The following GCC2 variants were observed in gnomAD, a reference collection of about 807,000 sequenced individuals.
The protein encoded by GCC2 is GRIP and coiled-coil domain-containing protein 2.
GCC2 carries 120 observed loss-of-function variants against 210.6 expected under a neutral mutation model. That is an observed-to-expected ratio of 0.57 (90% confidence interval 0.49 to 0.66). The LOEUF is 0.66. Ranked by LOEUF, GCC2 falls within the 30% of genes least tolerant of loss-of-function variation. The pLI is 0.00. For synonymous variants in GCC2, 703 were observed against 652.7 expected, an observed-to-expected ratio of 1.08 and a Z score of -1.17; for missense variants, 1,868 against 1,871.9, an observed-to-expected ratio of 1.00 and a Z score of 0.04.
At chr2:108,475,943 C>A in intron 9 of GCC2, 93 bp downstream of exon 9, 1 of 619,770 alleles carries the variant, frequency 1.6e-6, no homozygotes, top group Non-Finnish European at 2.8e-6. Context: ...CTATTGTCAA[C>A]AAAACAATCA....
Position 108,486,503 on chromosome 2 carries a change from A to G in GCC2, c.3793-8A>G. The G allele has an allele frequency of 3.7e-6, 6 of 1,613,780 alleles. No individual in the cohort carries two copies. The highest frequency in any genetic ancestry group is 5.1e-6 in the Non-Finnish European group (6 of 1,179,812). ...TTGCTAAAGCTAAATTTAAAGATTTACCCCCAGATACAGCTGGCTGAAATA... is the reference window on the plus strand; with the variant it reads ...TTGCTAAAGCTAAATTTAAAGATTTGCCCCCAGATACAGCTGGCTGAAATA... On this transcript the variant is annotated splice_polypyrimidine_tract_variant and splice_region_variant and intron_variant, in intron 15 of 22. Transcript: ENST00000309863.
intron 5 of GCC2, 124 bp downstream of exon 5, chr2:108,469,208 G>T: frequency 2.1e-6 from 1 of 477,824 alleles, no homozygotes; most frequent in South Asian, 4.9e-5. Context: ...CAAAGAAACC[G>T]AGATTGAGAT....
chr2:108,498,823 C>T (rs553998605), intron 21 of GCC2, among the ~76,000 whole-genome samples: 178 of 151,736 alleles, frequency 1.2e-3, no homozygotes, highest in African/African-American at 4.2e-3. Context: ...CCTGGGACTT[C>T]AGGAACAGGG....
rs1681906376 is a variant in GCC2 at position 108,482,391 on chromosome 2, C to T, written c.3285C>T (p.Ala1095=). 6.3e-7 allele frequency: 1 copy of T among 1,585,360 alleles called. No homozygotes were observed. The highest frequency in any genetic ancestry group is 1.1e-5 in the South Asian group (1 of 90,162). ...LEVQILEVQR[A]KAMVDKELEA... is the part of the protein sequence containing the mutation. ...TACAGATTTTAGAAGTCCAGAGAGCCAAAGCAATGGTAGACAAAGAATTAG... is the reference window on the plus strand; with the variant it reads ...TACAGATTTTAGAAGTCCAGAGAGCTAAAGCAATGGTAGACAAAGAATTAG... The change falls in exon 11 of 23, where the codon GCC becomes GCT. Residue 1095 remains alanine, a synonymous_variant. Coordinates refer to ENST00000309863, the MANE Select transcript of GCC2 (RefSeq NM_181453.4).
chr2:108,492,882 T>A, intron 19 of GCC2, 92 bp downstream of exon 19: 1 of 926,966 alleles, frequency 1.1e-6, no homozygotes, highest in Non-Finnish European at 1.7e-6. Flanking sequence ...GAAAGAAAAT[T>A]TACTAGGTGT....
At chr2:108,489,525 A>G (rs1013215930) in intron 17 of GCC2, among the ~76,000 whole-genome samples, 1 of 152,098 alleles carries the variant, frequency 6.6e-6, no homozygotes, top group Non-Finnish European at 1.5e-5. Flanking sequence ...AAAAAAAAAA[A>G]AATAGTGTGA....
rs1321520535 is a variant in GCC2, at chr2:108,471,711, T to A, written c.2382T>A (p.Asn794Lys). The A allele has an allele frequency of 6.2e-7, 1 of 1,613,240 alleles. No homozygotes were observed. Among genetic ancestry groups the A allele is most frequent in the East Asian group, 2.2e-5 (1 of 44,842 alleles). ...QAVGESLAKI[N>K]EEKCNLAFQR... is the part of the protein sequence containing the mutation. The stretch of plus-strand genomic sequence containing the variant: ...TCGGTGAATCCTTGGCAAAAATAAA[T>A]GAGGAAAAATGCAACCTGGCTTTTC... The change falls in exon 6 of 23, where the codon AAT becomes AAA. Residue 794 changes from asparagine to lysine, a missense_variant. This residue lies in a region of GCC2 where 1,847 missense variants were observed against 1,765.2 expected (regional missense o/e 1.05). Transcript: ENST00000309863.
At chr2:108,463,219 G>T (rs1421749305) in intron 4 of GCC2, among the ~76,000 whole-genome samples, 1 of 152,048 alleles carries the variant, frequency 6.6e-6, no homozygotes, top group Non-Finnish European at 1.5e-5. Flanking sequence ...ATTGAGATCT[G>T]TTGCTAGAGA....
rs1394396750 is a variant in GCC2 at position 108,471,354 on chromosome 2, T to C, written c.2025T>C (p.Val675=). The C allele has an allele frequency of 1.2e-6, 2 of 1,610,818 alleles. No homozygotes were observed. Among genetic ancestry groups the C allele is most frequent in the African/African-American group, 2.7e-5 (2 of 74,664 alleles). ...KLEKLMVQMK[V]LSEDKEVLSA... ...AAAAACTTATGGTTCAAATGAAAGTTCTCTCTGAAGACAAAGAAGTATTGT... is the reference window on the plus strand; with the variant it reads ...AAAAACTTATGGTTCAAATGAAAGTCCTCTCTGAAGACAAAGAAGTATTGT... Residue 675 remains valine (V), a synonymous_variant, in exon 6 of 23, where the codon GTT becomes GTC. Transcript: ENST00000309863.
chr2:108,467,875 C>T (rs1680986295), intron 4 of GCC2, among the ~76,000 whole-genome samples: 2 of 152,066 alleles, frequency 1.3e-5, no homozygotes, highest in African/African-American at 2.4e-5. Flanking sequence ...TGATAGAACT[C>T]ACCTTAAAAA....
At chr2:108,472,475 A>T (rs1431159193) in intron 6 of GCC2, among the ~76,000 whole-genome samples, 3 of 152,110 alleles carry the variant, frequency 2.0e-5, no homozygotes, top group Non-Finnish European at 2.9e-5. Flanking sequence ...GCACTTTTTA[A>T]GTAAGAGCTG....
intron 9 of GCC2, among the ~76,000 whole-genome samples, chr2:108,479,885 G>A (rs1681748190): frequency 6.6e-6 from 1 of 150,826 alleles, no homozygotes; most frequent in African/African-American, 2.5e-5. Context: ...CAGAGGCTGA[G>A]GCAGGAGAAT....
intron 17 of GCC2, among the ~76,000 whole-genome samples, chr2:108,489,246 C>T (rs757826355): frequency 4.6e-5 from 7 of 152,150 alleles, no homozygotes; most frequent in Non-Finnish European, 1.0e-4. Flanking sequence ...CCAGGCATGG[C>T]GGTTCACACC....
chr2:108,485,700 G>T lies in GCC2; in HGVS notation c.3678G>T (p.Val1226=). ...EKNTKIKQLL[V]KTKKELADSK... ...ACACCAAAATCAAGCAATTGCTTGT[G>T]AAAACCAAAAAGGAACTGGCAGATT... The change falls in exon 14 of 23, where the codon GTG becomes GTT. Residue 1226 remains valine, a synonymous_variant. Transcript: ENST00000309863. 6.3e-7 allele frequency: 1 copy of T among 1,599,472 alleles called. No individual in the cohort carries two copies. Among genetic ancestry groups the T allele is most frequent in the Non-Finnish European group, 8.5e-7 (1 of 1,173,586 alleles).
Position 108,479,135 on chromosome 2 carries a change from G to A in GCC2, c.3061-2562G>A, listed in dbSNP as rs1681699265. 1.3e-5 allele frequency among the ~76,000 whole-genome samples: 2 copies of A among 152,032 alleles called. 1 individual carries two copies. The highest frequency in any genetic ancestry group is 4.1e-4 in the South Asian group (2 of 4,826). On this transcript the variant is annotated intron_variant, in intron 9 of 22. Transcript: ENST00000309863. Reference sequence around the variant, plus strand: ...GCTGAGATCACGCCACTGCACTCCAGACTAGCGACAGAGCGAGACAACGTC... The same window carrying A: ...GCTGAGATCACGCCACTGCACTCCAAACTAGCGACAGAGCGAGACAACGTC...
chr2:108,502,396 AG>A (rs1330011618), intron 22 of GCC2, among the ~76,000 whole-genome samples: 1 of 152,180 alleles, frequency 6.6e-6, no homozygotes, highest in African/African-American at 2.4e-5. Flanking sequence ...AGGGATACCA[AG>A]AACAGATATT....
rs1354831314 is a variant in GCC2, at chr2:108,449,570, C to G, written c.7-63C>G. ...AAGGTTTTTCCCTGTAAGGGTTCTA[C>G]GCGTTCCGTGTGGAATTAGGAAAAG... On this transcript the variant is annotated intron_variant, in intron 1 of 22. Coordinates refer to ENST00000309863, the MANE Select transcript of GCC2 (RefSeq NM_181453.4). 3 of 1,475,666 alleles carry G rather than the reference C, an allele frequency of 2.0e-6. No homozygotes were observed. In the African/African-American group the frequency reaches 4.1e-5, roughly 20 times the overall value. The allele number at this position is 1,475,666 out of a possible 1,614,324, so 91.4% of individuals were successfully genotyped here.
chr2:108,481,609 C>T (rs1681853350), intron 9 of GCC2, 88 bp from the exon 10 acceptor site: 9 of 910,684 alleles, frequency 9.9e-6, no homozygotes, highest in Non-Finnish European at 1.3e-5. Flanking sequence ...CCAGAATGGA[C>T]TCATGAATCT....
intron 9 of GCC2, among the ~76,000 whole-genome samples, chr2:108,478,915 C>G (rs1184456508): frequency 6.6e-6 from 1 of 152,090 alleles, no homozygotes; most frequent in Non-Finnish European, 1.5e-5. Context: ...CAAGAAGTAG[C>G]AGACTCAGAT....
Sources: allele counts gnomAD v4.1 joint callset (sites outside exome capture counted in the v4.1 genomes callset), GRCh38; gene constraint gnomAD v4.1.1; regional missense constraint gnomAD v4.1.1; transcripts MANE v1.5; gene names NCBI Gene and HGNC (gene_info 2026-07-23, HGNC 2026-07-21).